XRCC5: variants seen among roughly 807,000 people sequenced by gnomAD.
XRCC5 encodes X-ray repair cross complementing 5, also known as DNA repair protein Ku80.
In XRCC5, 12 loss-of-function variants were observed where a neutral mutation model predicts 95.7. The observed-to-expected ratio is 0.13, with a 90% confidence interval of 0.08 to 0.20. The LOEUF is 0.20. XRCC5 is among the 10% of genes least tolerant of loss of function. The probability of loss-of-function intolerance (pLI) is 1.00; values close to 1 mark genes in which losing one functional copy is unlikely to be tolerated. For synonymous variants in XRCC5, 281 were observed against 290.3 expected, an observed-to-expected ratio of 0.97 and a Z score of 0.33; for missense variants, 595 against 873.9, an observed-to-expected ratio of 0.68 and a Z score of 4.02.
chr2:216,200,871 T>A (rs1689822587), intron 19 of XRCC5, among the ~76,000 whole-genome samples: 1 of 152,218 alleles, frequency 6.6e-6, no homozygotes. Context: ...GATGGACATT[T>A]GCTTGTTTGT....
intron 19 of XRCC5, among the ~76,000 whole-genome samples, chr2:216,197,861 G>C (rs1559264704): frequency 2.6e-5 from 4 of 152,232 alleles, no homozygotes; most frequent in Non-Finnish European, 5.9e-5. Context: ...AATGTAGTAT[G>C]TATACCAGAT....
rs1696918163 is a variant in XRCC5, at chr2:216,127,533, A to G, written c.799-3A>G. 1 of 1,584,084 alleles carries G rather than the reference A, an allele frequency of 6.3e-7. No individual in the cohort carries two copies. On this transcript the variant is annotated splice_region_variant and splice_polypyrimidine_tract_variant and intron_variant, in intron 7 of 20. Transcript: ENST00000392132. ...GTTTTCCCTTTGTGTTTTGGAATGT[A>G]AGATTCTACAGGAGAGAGTTAAAAA... is the stretch of plus-strand genomic sequence containing the variant.
At chr2:216,179,146 T>C (rs1433767631) in intron 16 of XRCC5, among the ~76,000 whole-genome samples, 1 of 152,034 alleles carries the variant, frequency 6.6e-6, no homozygotes, top group Non-Finnish European at 1.5e-5. Flanking sequence ...TTCTGAGAGG[T>C]ATGGGGGAGA....
intron 4 of XRCC5, 83 bp from the exon 5 acceptor site, chr2:216,118,960 C>T (rs1486593513): frequency 1.4e-6 from 2 of 1,441,704 alleles, no homozygotes; most frequent in Non-Finnish European, 9.6e-7. Flanking sequence ...CTAAGCTTCT[C>T]TCCTCAGTGA....
intron 19 of XRCC5, among the ~76,000 whole-genome samples, chr2:216,200,801 A>ATG (rs1411426654): frequency 2.2e-4 from 34 of 152,248 alleles, no homozygotes; most frequent in African/African-American, 7.9e-4. Flanking sequence ...TTATGTGATT[A>ATG]TAGCTATGTA....
chr2:216,127,395 A>G (rs745411198), intron 7 of XRCC5, 141 bp from the exon 8 acceptor site: 133 of 880,186 alleles, frequency 1.5e-4, no homozygotes, highest in Middle Eastern at 7.5e-4. Flanking sequence ...AATTTTCATA[A>G]TAGGCATGAG....
chr2:216,159,044 G>A (rs914667429), intron 14 of XRCC5, among the ~76,000 whole-genome samples: 4 of 152,030 alleles, frequency 2.6e-5, no homozygotes, highest in Non-Finnish European at 4.4e-5. Context: ...ATGAAATAAT[G>A]CATATGATAA....
chr2:216,172,833 A>G (rs539895384), intron 16 of XRCC5, among the ~76,000 whole-genome samples: 2 of 152,228 alleles, frequency 1.3e-5, no homozygotes, highest in South Asian at 4.1e-4. Context: ...TCTATAGAAG[A>G]GTTAAGGGAA....
chr2:216,162,649 C>T (rs946546497), intron 16 of XRCC5, among the ~76,000 whole-genome samples: 1 of 152,134 alleles, frequency 6.6e-6, no homozygotes, highest in African/African-American at 2.4e-5. Context: ...GCCTCAGCCT[C>T]CCAAAGTGCT....
At chr2:216,145,170 T>C (rs1688601130) in intron 13 of XRCC5, among the ~76,000 whole-genome samples, 4 of 152,224 alleles carry the variant, frequency 2.6e-5, no homozygotes, top group Admixed American at 2.0e-4. Flanking sequence ...GACTTTCTGA[T>C]GAAGGGAGAG....
intron 16 of XRCC5, among the ~76,000 whole-genome samples, chr2:216,187,661 T>C (rs1432476236): frequency 6.6e-6 from 1 of 151,950 alleles, no homozygotes; most frequent in Admixed American, 6.6e-5. Context: ...TACGTTTCTA[T>C]CCTTAATTGC....
At chr2:216,204,255 A>C in intron 19 of XRCC5, 67 bp from the exon 20 acceptor site, 1 of 1,583,670 alleles carries the variant, frequency 6.3e-7, no homozygotes, top group Non-Finnish European at 8.7e-7. Context: ...CAATGCTAGC[A>C]GATTGTTCCC....
intron 2 of XRCC5, among the ~76,000 whole-genome samples, chr2:216,113,978 C>A (rs886311999): frequency 6.6e-6 from 1 of 151,984 alleles, no homozygotes; most frequent in Non-Finnish European, 1.5e-5. Context: ...GACTCCCTCT[C>A]TTGATAAAAA....
intron 18 of XRCC5, among the ~76,000 whole-genome samples, chr2:216,194,099 G>A (rs1010111423): frequency 6.6e-6 from 1 of 152,146 alleles, no homozygotes; most frequent in Non-Finnish European, 1.5e-5. Flanking sequence ...TTGGACAAAA[G>A]CATACAGTCA....
chr2:216,131,389 G>A (rs1313680118), intron 9 of XRCC5, among the ~76,000 whole-genome samples: 1 of 152,162 alleles, frequency 6.6e-6, no homozygotes, highest in Non-Finnish European at 1.5e-5. Flanking sequence ...GCCCAATACA[G>A]CACATTGCAT....
intron 2 of XRCC5, 60 bp downstream of exon 2, chr2:216,113,189 C>A: frequency 1.4e-6 from 2 of 1,416,902 alleles, no homozygotes; most frequent in Non-Finnish European, 9.9e-7. Context: ...TTGCCTCTAC[C>A]TACTAATGCA....
chr2:216,115,747 T>C (rs1270561803), intron 2 of XRCC5, among the ~76,000 whole-genome samples: 1 of 152,116 alleles, frequency 6.6e-6, no homozygotes, highest in Non-Finnish European at 1.5e-5. Flanking sequence ...ATATGGAGAA[T>C]ATACAGGTAA....
intron 13 of XRCC5, among the ~76,000 whole-genome samples, chr2:216,142,442 G>A (rs1271092017): frequency 6.6e-6 from 1 of 152,136 alleles, no homozygotes; most frequent in Non-Finnish European, 1.5e-5. Context: ...GGAAGGCAGA[G>A]ATTGGATTAA....
At chr2:216,129,311 CAGCT>C (rs2106008074) in intron 8 of XRCC5, among the ~76,000 whole-genome samples, 1 of 152,294 alleles carries the variant, frequency 6.6e-6, no homozygotes, top group African/African-American at 2.4e-5. Flanking sequence ...AGCCCCTAAT[CAGCT>C]AGAGGTTTTT....
Sources: gnomAD v4.1 joint callset for allele counts (sites outside exome capture counted in the v4.1 genomes callset) on GRCh38, gnomAD v4.1.1 for gene constraint, MANE v1.5 for transcripts, NCBI Gene and HGNC (gene_info 2026-07-23, HGNC 2026-07-21) for gene names.